Variants in ARHGEF28 observed in about 807,000 individuals in gnomAD.
ARHGEF28 encodes 190 kDa guanine nucleotide exchange factor.
Under a neutral mutation model 206.6 loss-of-function variants are expected in ARHGEF28, and 152 were observed. That is an observed-to-expected ratio of 0.74 (90% CI 0.64 to 0.84). The LOEUF (loss-of-function observed/expected upper bound fraction) is 0.84, where lower values mean the gene tolerates loss of function less well. Among genes scored for constraint, ARHGEF28 ranks in the 40% least tolerant of loss-of-function variants. The pLI is 0.00. For synonymous variants in ARHGEF28, 763 were observed against 776.4 expected (o/e 0.98, Z 0.29); for missense variants, 2,028 against 2,073.2 (o/e 0.98, Z 0.42).
At chr5:73,768,845 C>T (rs935915193) in intron 4 of ARHGEF28, among the ~76,000 whole-genome samples, 2 of 151,954 alleles carry the variant, frequency 1.3e-5, no homozygotes, top group African/African-American at 4.8e-5. Flanking sequence ...TTATAACTCC[C>T]ACAATTCCCA....
At chr5:73,680,621 T>C (rs1466371736) in intron 1 of ARHGEF28, among the ~76,000 whole-genome samples, 1 of 151,754 alleles carries the variant, frequency 6.6e-6, no homozygotes, top group Non-Finnish European at 1.5e-5. Context: ...AAAGAACTTA[T>C]CTATGTAACG....
chr5:73,638,049 C>T (rs1169759082), intron 1 of ARHGEF28, among the ~76,000 whole-genome samples: 2 of 152,046 alleles, frequency 1.3e-5, no homozygotes, highest in Non-Finnish European at 2.9e-5. Flanking sequence ...TAATTAAAAT[C>T]TGTAATTGGA....
At chr5:73,859,196 C>T (rs1343175167) in intron 16 of ARHGEF28, among the ~76,000 whole-genome samples, 1 of 152,194 alleles carries the variant, frequency 6.6e-6, no homozygotes, top group Non-Finnish European at 1.5e-5. Context: ...AATTTGTTCT[C>T]TGCTATATGC....
intron 35 of ARHGEF28, among the ~76,000 whole-genome samples, chr5:73,918,919 ATTCT>A (rs1295343160): frequency 6.6e-6 from 1 of 152,156 alleles, no homozygotes; most frequent in Non-Finnish European, 1.5e-5. Context: ...TGTATCTAAC[ATTCT>A]TCTTAGTTGA....
intron 2 of ARHGEF28, among the ~76,000 whole-genome samples, chr5:73,713,459 G>A (rs1749375328): frequency 6.6e-6 from 1 of 152,188 alleles, no homozygotes; most frequent in Admixed American, 6.5e-5. Flanking sequence ...GTTGGAACGG[G>A]TGAGAGATGT....
chr5:73,838,109 A>C (rs1344753267), intron 10 of ARHGEF28, among the ~76,000 whole-genome samples: 2 of 152,124 alleles, frequency 1.3e-5, no homozygotes, highest in Non-Finnish European at 2.9e-5. Flanking sequence ...AGCCAAAAAG[A>C]AAAAAAAGTG....
intron 2 of ARHGEF28, among the ~76,000 whole-genome samples, chr5:73,727,021 G>C (rs901687759): frequency 2.6e-5 from 4 of 152,190 alleles, no homozygotes; most frequent in Admixed American, 6.5e-5. Context: ...TTGGCATTTA[G>C]AGATTGGAAG....
At chr5:73,747,107 A>G (rs905447133) in intron 2 of ARHGEF28, among the ~76,000 whole-genome samples, 2 of 152,162 alleles carry the variant, frequency 1.3e-5, no homozygotes, top group African/African-American at 4.8e-5. Context: ...TTTTGGATAT[A>G]GTGAGTTTAT....
chr5:73,892,230 G>A lies in ARHGEF28; in HGVS notation c.3566G>A (p.Ser1189Asn), dbSNP rs1197091777. Residue 1189 changes from serine (S) to asparagine (N), a missense_variant and splice_region_variant, in exon 27 of 36, where the codon AGT becomes AAT. Ser to Asn is a conservative substitution (Grantham distance 46). Around this residue, in one of 3 missense-constraint regions of ARHGEF28, gnomAD observed 803 missense variants for 768.0 expected, o/e 1.05. Transcript: ENST00000513042. ...WMRRIQQAVE[S>N]CPEEKGGRTS... ...AGACGGATCCAGCAGGCTGTAGAAA[G>A]GTAACATTTCCTTCCGTCCATAATC... 7.7e-6 allele frequency: 12 copies of A among 1,558,338 alleles called. No individual in the cohort carries two copies. Among genetic ancestry groups the A allele is most frequent in the Admixed American group, 3.9e-5 (2 of 51,790 alleles).
At chr5:73,788,093 A>G (rs1477488046) in intron 7 of ARHGEF28, among the ~76,000 whole-genome samples, 1 of 152,112 alleles carries the variant, frequency 6.6e-6, no homozygotes, top group Admixed American at 6.6e-5. Flanking sequence ...GAGATACTTT[A>G]TTCTAGCTGA....
chr5:73,729,130 G>T (rs1426012540), intron 2 of ARHGEF28, among the ~76,000 whole-genome samples: 1 of 152,168 alleles, frequency 6.6e-6, no homozygotes, highest in Non-Finnish European at 1.5e-5. Context: ...TTGGCTGTGA[G>T]AGTTTAAGAG....
At chr5:73,807,398 TTGTC>T (rs774801833) in intron 9 of ARHGEF28, among the ~76,000 whole-genome samples, 22 of 152,320 alleles carry the variant, frequency 1.4e-4, no homozygotes, top group Non-Finnish European at 2.8e-4. Context: ...TTCCTGTTGT[TTGTC>T]TGTTATTTTT....
intron 7 of ARHGEF28, among the ~76,000 whole-genome samples, chr5:73,786,818 C>T (rs1056185546): frequency 1.3e-5 from 2 of 152,176 alleles, no homozygotes; most frequent in African/African-American, 2.4e-5. Flanking sequence ...AGTTATATAA[C>T]ACACGCCTAT....
intron 9 of ARHGEF28, among the ~76,000 whole-genome samples, chr5:73,831,777 C>T (rs1462882288): frequency 6.6e-6 from 1 of 152,240 alleles, no homozygotes; most frequent in Non-Finnish European, 1.5e-5. Flanking sequence ...CCGCAACGTC[C>T]ACCTCCCAGG....
intron 16 of ARHGEF28, among the ~76,000 whole-genome samples, chr5:73,863,941 C>T (rs534827352): frequency 2.6e-5 from 4 of 152,188 alleles, no homozygotes; most frequent in Non-Finnish European, 4.4e-5. Context: ...CAGCTTCCTG[C>T]CCAGTTCTTG....
intron 3 of ARHGEF28, 151 bp from the exon 4 acceptor site, chr5:73,752,758 T>G: frequency 1.3e-6 from 1 of 785,506 alleles, no homozygotes; most frequent in Non-Finnish European, 2.0e-6. Context: ...TGCTTGGCAG[T>G]GTGTAAGGGT....
Position 73,737,472 on chromosome 5 carries a change from CTTTTCTTTTCTTTTCTTTT to C in ARHGEF28, c.34-12364_34-12346del, listed in dbSNP as rs1751034938. Among the ~76,000 whole-genome samples, 19 of 96,426 alleles carry C rather than the reference CTTTTCTTTTCTTTTCTTTT, an allele frequency of 2.0e-4. No individual in the cohort carries two copies. In the Admixed American group the frequency reaches 2.3e-3, roughly 11 times the overall value. 63.3% of individuals were successfully genotyped at this position (96,426 alleles called of 152,430 possible). On this transcript the variant is annotated intron_variant, in intron 2 of 35. Transcript: ENST00000513042. ...CTTTTCTTTTCTTTTCTTTTCTTTT[CTTTTCTTTTCTTTTCTTTT>C]CTTTTCTTTTCTTTTCTTTTCTTTT...
intron 1 of ARHGEF28, among the ~76,000 whole-genome samples, chr5:73,645,093 G>A (rs2112160): frequency 0.29 from 44,442 of 152,010 alleles, 7,600 homozygotes; most frequent in African/African-American, 0.47. Context: ...AGATTTGATC[G>A]TTTTAAATAT....
At chr5:73,795,130 T>C (rs568545284) in intron 8 of ARHGEF28, among the ~76,000 whole-genome samples, 1 of 152,236 alleles carries the variant, frequency 6.6e-6, no homozygotes, top group Non-Finnish European at 1.5e-5. Flanking sequence ...CAGGTGTGTT[T>C]CAGCTTGGGA....
Sources: allele counts gnomAD v4.1 joint callset (sites outside exome capture counted in the v4.1 genomes callset), GRCh38; gene constraint gnomAD v4.1.1; regional missense constraint gnomAD v4.1.1; transcripts MANE v1.5; gene names NCBI Gene and HGNC (gene_info 2026-07-23, HGNC 2026-07-21).